Variants in ATRN observed in about 807,000 individuals in gnomAD.
ATRN encodes attractin.
A neutral mutation model predicts 178.7 loss-of-function variants in ATRN; 54 were observed. That is an observed-to-expected ratio of 0.30 (90% CI 0.24 to 0.38). The LOEUF is 0.38. ATRN is among the 10% of genes least tolerant of loss of function. The pLI, the probability that ATRN is intolerant of heterozygous loss-of-function variation, is 1.00. For synonymous variants in ATRN, 636 were observed against 663.0 expected (o/e 0.96, Z 0.63); for missense variants, 1,443 against 1,815.1 (o/e 0.79, Z 3.73).
intron 14 of ATRN, among the ~76,000 whole-genome samples, chr20:3,577,266 C>T (rs1250319161): frequency 1.3e-5 from 2 of 152,166 alleles, no homozygotes; most frequent in Non-Finnish European, 2.9e-5. Flanking sequence ...GAGCCTGCTC[C>T]TTGTCTCTTT....
At chr20:3,550,364 A>G (rs987127010) in intron 6 of ATRN, among the ~76,000 whole-genome samples, 4 of 152,200 alleles carry the variant, frequency 2.6e-5, no homozygotes, top group Non-Finnish European at 4.4e-5. Context: ...CCATGCTGTT[A>G]CTGTTACTGT....
intron 1 of ATRN, among the ~76,000 whole-genome samples, chr20:3,479,316 T>TC (rs1312795198): frequency 1.3e-5 from 2 of 152,170 alleles, no homozygotes; most frequent in African/African-American, 2.4e-5. Context: ...GGCCTTGCTT[T>TC]CCCCTAAGAG....
At chr20:3,550,795 TG>T (rs1332676667) in intron 6 of ATRN, among the ~76,000 whole-genome samples, 2 of 152,056 alleles carry the variant, frequency 1.3e-5, no homozygotes, top group Non-Finnish European at 2.9e-5. Context: ...CCCTTCCCTC[TG>T]GGGGGAAAGA....
At chr20:3,633,025 G>A (rs911904858) in intron 25 of ATRN, among the ~76,000 whole-genome samples, 1 of 152,162 alleles carries the variant, frequency 6.6e-6, no homozygotes. Flanking sequence ...AGCTACTCAG[G>A]AGGCTAAAAG....
intron 26 of ATRN, among the ~76,000 whole-genome samples, chr20:3,636,542 A>C (rs190133203): frequency 2.0e-5 from 3 of 152,334 alleles, no homozygotes; most frequent in Admixed American, 6.5e-5. Context: ...AAAACAAACA[A>C]ACACCAGAGG....
chr20:3,585,019 A>G (rs944706071), intron 18 of ATRN, 139 bp downstream of exon 18: 8 of 825,918 alleles, frequency 9.7e-6, no homozygotes, highest in Middle Eastern at 2.8e-4. Context: ...ACAAGAAGGA[A>G]TAGACCAGAA....
chr20:3,483,865 A>G (rs937634296), intron 1 of ATRN, among the ~76,000 whole-genome samples: 3 of 152,176 alleles, frequency 2.0e-5, no homozygotes, highest in Non-Finnish European at 4.4e-5. Flanking sequence ...AGAGCTGCTG[A>G]AAAAATTCCC....
Position 3,584,631 on chromosome 20 carries a change from T to TA in ATRN, c.2951-16_2951-15insA. Reference sequence around the variant, plus strand: ...TCTACCTGTGATAGTCAATTGCAACTTTTTTTTTTTAATAGCTGAAAATTG... The same window carrying TA: ...TCTACCTGTGATAGTCAATTGCAACTATTTTTTTTTTAATAGCTGAAAATTG... On this transcript the variant is annotated splice_polypyrimidine_tract_variant and intron_variant, in intron 17 of 28. Transcript: ENST00000262919. 1 of 996,330 alleles carries TA rather than the reference T, an allele frequency of 1.0e-6. No individual in the cohort carries two copies. Among genetic ancestry groups the TA allele is most frequent in the Non-Finnish European group, 1.4e-6 (1 of 714,880 alleles). 61.7% of individuals were successfully genotyped at this position (996,330 alleles called of 1,614,324 possible). A position where few individuals can be genotyped will look rare whatever the true frequency, so the allele number is the denominator to read the frequency against.
intron 1 of ATRN, chr20:3,490,578 G>A: frequency 9.4e-7 from 1 of 1,063,930 alleles, no homozygotes; most frequent in Non-Finnish European, 1.5e-6. Context: ...TAATGTACTT[G>A]AGGTAACAGT....
Position 3,471,326 on chromosome 20 carries a change from G to T in ATRN, c.219G>T (p.Leu73=), listed in dbSNP as rs1246881839. Residue 73 remains leucine (L), a synonymous_variant, in exon 1 of 29, where the codon CTG becomes CTT. Coordinates refer to ENST00000262919, the MANE Select transcript of ATRN (RefSeq NM_139321.3). ...TGTTGTTGCTCTCGCCGCCGCTGCT[G>T]CTGCTGCTGCTGCCCTGTGAGGCCG... The part of the protein sequence containing the change: ...LLLLLLSPPL[L]LLLLPCEAEA... 13 of 1,485,448 alleles carry T rather than the reference G, an allele frequency of 8.8e-6. No individual in the cohort carries two copies. Among genetic ancestry groups the T allele is most frequent in the Non-Finnish European group, 1.2e-5 (13 of 1,126,876 alleles). The allele number at this position is 1,485,448 out of a possible 1,614,324, so 92.0% of individuals were successfully genotyped here. A position where few individuals can be genotyped will look rare whatever the true frequency, so the allele number is the denominator to read the frequency against.
At chr20:3,635,848 G>A (rs1028499107) in intron 26 of ATRN, among the ~76,000 whole-genome samples, 6 of 152,138 alleles carry the variant, frequency 3.9e-5, no homozygotes, top group African/African-American at 1.4e-4. Context: ...CATATTCAAA[G>A]GGTTTTTTAG....
chr20:3,490,218 A>G, intron 1 of ATRN: 2 of 1,521,710 alleles, frequency 1.3e-6, no homozygotes, highest in Non-Finnish European at 9.1e-7. Context: ...CCTAAAGCTA[A>G]GAGAGCAGAT....
At chr20:3,626,476 T>A (rs1464355465) in intron 25 of ATRN, among the ~76,000 whole-genome samples, 1 of 152,200 alleles carries the variant, frequency 6.6e-6, no homozygotes, top group Non-Finnish European at 1.5e-5. Flanking sequence ...CAGTGAATTA[T>A]CACAAATTGA....
chr20:3,581,014 G>A (rs757125922), intron 15 of ATRN, among the ~76,000 whole-genome samples: 5 of 152,166 alleles, frequency 3.3e-5, no homozygotes, highest in African/African-American at 7.2e-5. Context: ...GGCCAGTGAG[G>A]GAGGATTGCT....
At position 3,647,454 on chromosome 20, in the gene ATRN, A is replaced by G. The variant is rs570298241; in HGVS notation, c.*607A>G. ...AGAAGGGGGGCTATTTTAAATGTCA[A>G]GGTCAGCAGTGTTACTTTGAATGTA... On this transcript the variant is annotated 3_prime_UTR_variant, in exon 29 of 29. Transcript: ENST00000262919. 2.4e-3 allele frequency: 368 copies of G among 152,790 alleles called. 2 individuals carry two copies. The highest frequency in any genetic ancestry group is 4.0e-3 in the Non-Finnish European group (270 of 68,054). The allele number at this position is 152,790 out of a possible 1,614,324, so 9.5% of individuals were successfully genotyped here. A position where few individuals can be genotyped will look rare whatever the true frequency, so the allele number is the denominator to read the frequency against.
intron 24 of ATRN, among the ~76,000 whole-genome samples, chr20:3,621,438 G>A (rs2086896598): frequency 6.6e-6 from 1 of 152,186 alleles, no homozygotes; most frequent in African/African-American, 2.4e-5. Flanking sequence ...CAGAATTGAT[G>A]AACACATCCA....
intron 26 of ATRN, among the ~76,000 whole-genome samples, chr20:3,637,288 T>C (rs2087032405): frequency 6.6e-6 from 1 of 152,200 alleles, no homozygotes; most frequent in South Asian, 2.1e-4. Context: ...ACAATAGTAG[T>C]AGCGGCTGAC....
At chr20:3,516,940 TAAAC>T (rs1224667619) in intron 1 of ATRN, among the ~76,000 whole-genome samples, 1 of 152,052 alleles carries the variant, frequency 6.6e-6, no homozygotes, top group Non-Finnish European at 1.5e-5. Flanking sequence ...AGTGCCATAA[TAAAC>T]ATACATGTGC....
intron 1 of ATRN, among the ~76,000 whole-genome samples, chr20:3,522,913 C>T (rs952389864): frequency 6.6e-6 from 1 of 152,062 alleles, no homozygotes; most frequent in Non-Finnish European, 1.5e-5. Flanking sequence ...CCAAAGGTCA[C>T]CAACATCAAA....
Sources: gnomAD v4.1 joint callset for allele counts (sites outside exome capture counted in the v4.1 genomes callset) on GRCh38, gnomAD v4.1.1 for gene constraint, MANE v1.5 for transcripts, NCBI Gene and HGNC (gene_info 2026-07-23, HGNC 2026-07-21) for gene names.